The following ESPN variants were observed in gnomAD, a reference collection of about 807,000 sequenced individuals.
ESPN encodes the protein espin.
A neutral mutation model predicts 77.7 loss-of-function variants in ESPN; 68 were observed. The ratio of observed to expected loss-of-function variants is 0.87; its 90% CI spans 0.72 to 1.07. ESPN has a LOEUF of 1.07. Ranked by LOEUF, ESPN falls within the 50% of genes least tolerant of loss-of-function variation. The probability of loss-of-function intolerance (pLI) is 0.00; values close to 1 mark genes in which losing one functional copy is unlikely to be tolerated. For missense variants in ESPN, 1,060 were observed against 1,239.0 expected (o/e 0.86, Z 2.17); for synonymous variants, 449 against 567.1 (o/e 0.79, Z 2.96).
Position 6,460,367 on chromosome 1 carries a change from G to A in ESPN, c.*221G>A. ...GCCCAGAAAAAGTGCCCAAGCTGCT[G>A]ACGCAAACAACAACAAATGCTGCTT... On this transcript the variant is annotated 3_prime_UTR_variant, in exon 13 of 13. Coordinates refer to ENST00000645284, the MANE Select transcript of ESPN (RefSeq NM_031475.3). The A allele has an allele frequency of 1.7e-6, 1 of 586,276 alleles. No individual in the cohort carries two copies. The highest frequency in any genetic ancestry group is 3.0e-6 in the Non-Finnish European group (1 of 330,054). 36.3% of individuals were successfully genotyped at this position (586,276 alleles called of 1,614,324 possible).
rs914772799 is a variant in ESPN at position 6,447,881 on chromosome 1, G to A, written c.1465-760G>A. Among the ~76,000 whole-genome samples, 1 of 152,214 alleles carries A rather than the reference G, an allele frequency of 6.6e-6. No homozygotes were observed. The highest frequency in any genetic ancestry group is 2.4e-5 in the African/African-American group (1 of 41,458). ...GGCGGGGTCACATCTGGCCGGGGAC[G>A]GGTGCAGAGCCGCGGCCAGGTGTGG... On this transcript the variant is annotated intron_variant, in intron 7 of 12. Coordinates refer to ENST00000645284, the MANE Select transcript of ESPN (RefSeq NM_031475.3). This position sits in a 1 kb window ranked among gnomAD's most constrained non-coding sequence, Gnocchi z 5.2.
chr1:6,449,654 G>A (rs1403680402), intron 8 of ESPN, among the ~76,000 whole-genome samples: 1 of 152,208 alleles, frequency 6.6e-6, no homozygotes, highest in East Asian at 1.9e-4. Context: ...TCTGCCAGGG[G>A]CCCTGGGCCA....
At chr1:6,458,799 C>T (rs865878284) in intron 12 of ESPN, among the ~76,000 whole-genome samples, 8 of 150,404 alleles carry the variant, frequency 5.3e-5, no homozygotes, top group Admixed American at 2.6e-4. Context: ...GTCGTGATGG[C>T]GCATGCCTGT....
chr1:6,446,313 TCA>T (rs1452789742), intron 7 of ESPN, among the ~76,000 whole-genome samples: 8 of 152,110 alleles, frequency 5.3e-5, no homozygotes, highest in Admixed American at 5.2e-4. Flanking sequence ...AGCCCCAGGC[TCA>T]GTCGGAGAGT....
chr1:6,429,872 G>A (rs1279651203), intron 2 of ESPN: 3 of 153,322 alleles, frequency 2.0e-5, no homozygotes, highest in African/African-American at 7.2e-5. Flanking sequence ...CAGATGGCCT[G>A]GACTGATGAG....
rs1236222654 is a variant in ESPN at position 6,428,522 on chromosome 1, C to G, written c.488+103C>G. 1.0e-6 allele frequency: 1 copy of G among 998,770 alleles called. No homozygotes were observed. Among genetic ancestry groups the G allele is most frequent in the East Asian group, 2.6e-5 (1 of 38,566 alleles). The allele number at this position is 998,770 out of a possible 1,614,324, so 61.9% of individuals were successfully genotyped here. ...TCTCTGGCACTCCAGGGCAATGATC[C>G]CTCCAGTGGCCATCCTGGGGCCAGA... is the stretch of plus-strand genomic sequence containing the variant. On this transcript the variant is annotated intron_variant, in intron 2 of 12. Transcript: ENST00000645284. This position sits in a 1 kb window ranked among gnomAD's most constrained non-coding sequence, Gnocchi z 5.4.
At chr1:6,431,711 C>G (rs1643263128) in intron 2 of ESPN, among the ~76,000 whole-genome samples, 1 of 150,342 alleles carries the variant, frequency 6.7e-6, no homozygotes, top group Non-Finnish European at 1.5e-5. Flanking sequence ...AGAAAAAGAA[C>G]CTGGTGCTGA....
At chr1:6,448,489 C>A in intron 7 of ESPN, 152 bp from the exon 8 acceptor site, 1 of 612,572 alleles carries the variant, frequency 1.6e-6, no homozygotes, top group Non-Finnish European at 2.7e-6. Flanking sequence ...CCGCTGCCCA[C>A]TGTGAGAACC....
rs1050848487 is a variant in ESPN, at chr1:6,448,976, A to C, written c.1800A>C (p.Pro600=). 7.0e-7 allele frequency: 1 copy of C among 1,419,450 alleles called. No homozygotes were observed. The highest frequency in any genetic ancestry group is 1.4e-5 in the South Asian group (1 of 70,032). The allele number at this position is 1,419,450 out of a possible 1,614,324, so 87.9% of individuals were successfully genotyped here. ...KASRELPPPP[P]PPPPPLPEAA... ...CCAGGGAGCTGCCACCGCCGCCCCC[A>C]CCGCCGCCGCCGCCCCTGCCGGAGG... Residue 600 remains proline, a synonymous_variant, in exon 8 of 13, where the codon CCA becomes CCC. Coordinates refer to ENST00000645284, the MANE Select transcript of ESPN (RefSeq NM_031475.3).
In ESPN at chr1:6,451,972, T is replaced by C. The variant is rs769052221; in HGVS notation, c.2201T>C (p.Leu734Pro). The stretch of plus-strand genomic sequence containing the variant: ...ACTACTCCTGCGCCGGGAGTGCAGC[T>C]GGACGTGGAGGCTCTCATCCCCACG... Reference protein sequence around the residue: ...PPTTPAPGVQLDVEALIPTHD... With the variant: ...PPTTPAPGVQPDVEALIPTHD... The change falls in exon 10 of 13, where the codon CTG (leucine) becomes CCG (proline). Residue 734 changes from leucine (L) to proline (P), a missense_variant. Leu to Pro is a moderately conservative substitution (Grantham distance 98). Transcript: ENST00000645284. The surrounding 1 kb of genome is among the most constrained non-coding windows in gnomAD (Gnocchi z 4.3). 5.6e-6 allele frequency: 9 copies of C among 1,610,208 alleles called. No individual in the cohort carries two copies. The highest frequency in any genetic ancestry group is 5.1e-6 in the Non-Finnish European group (6 of 1,178,460).
In ESPN at chr1:6,441,159, G is replaced by A. The variant is rs551130381; in HGVS notation, c.990+94G>A. On this transcript the variant is annotated intron_variant, in intron 5 of 12. Coordinates refer to ENST00000645284, the MANE Select transcript of ESPN (RefSeq NM_031475.3). ...CACCCCTTTTACCAAGGAGGAAGCT[G>A]AGGTTCAGGGACGTGAAGCCCGCTA... 4 of 1,522,416 alleles carry A rather than the reference G, an allele frequency of 2.6e-6. No homozygotes were observed. In the African/African-American group the frequency reaches 5.5e-5, roughly 21 times the overall value. 94.3% of individuals were successfully genotyped at this position (1,522,416 alleles called of 1,614,324 possible). A position where few individuals can be genotyped will look rare whatever the true frequency, so the allele number is the denominator to read the frequency against.
intron 10 of ESPN, chr1:6,455,561 G>T (rs958334517): frequency 3.0e-5 from 12 of 398,628 alleles, no homozygotes; most frequent in African/African-American, 2.3e-4. Context: ...CGGGCCTGGC[G>T]CACGGCCTGT....
rs936376847 is a variant in ESPN at position 6,440,385 on chromosome 1, T to A, written c.620T>A (p.Met207Lys). ...CCGCACGCGCGCGCCCACGACGGCA[T>A]GACCCCGCTGCACGCCGCGGCGCAG... The part of the protein sequence containing the change: ...ADPHARAHDG[M>K]TPLHAAAQMG... Residue 207 changes from methionine (M) to lysine (K), a missense_variant, in exon 3 of 13, where the codon ATG becomes AAG. Met to Lys is a moderately conservative substitution (Grantham distance 95, BLOSUM62 -1). Coordinates refer to ENST00000645284, the MANE Select transcript of ESPN (RefSeq NM_031475.3). The A allele has an allele frequency of 1.3e-6, 2 of 1,588,524 alleles. No individual in the cohort carries two copies. Among genetic ancestry groups the A allele is most frequent in the South Asian group, 2.3e-5 (2 of 88,128 alleles).
downstream of ESPN, chr1:6,461,297 T>TGGGGCCGGCTGGTGCTGCTACGC: frequency 1.8e-6 from 2 of 1,120,944 alleles, no homozygotes; most frequent in Non-Finnish European, 1.3e-6. The surrounding 1 kb of genome is among the most constrained non-coding windows in gnomAD (Gnocchi z 6.3). Flanking sequence ...CGAGCAGGGG[T>TGGGGCCGGCTGGTGCTGCTACGC]GGGGCCGGCT....
chr1:6,428,279 C>T lies in ESPN; in HGVS notation c.348C>T (p.His116=), dbSNP rs758026081. The T allele has an allele frequency of 2.5e-6, 4 of 1,613,472 alleles. No individual in the cohort carries two copies. Among genetic ancestry groups the T allele is most frequent in the Admixed American group, 3.3e-5 (2 of 60,026 alleles). Reference sequence around the variant, plus strand: ...TGCATCTGGCTGCCCGCTTCGGCCACCCCGAGGTGGTGAACTGGCTCTTGC... The same window carrying T: ...TGCATCTGGCTGCCCGCTTCGGCCATCCCGAGGTGGTGAACTGGCTCTTGC... ...TVLHLAARFG[H]PEVVNWLLHH... is the part of the protein sequence containing the mutation. The change falls in exon 2 of 13, where the codon CAC becomes CAT. Residue 116 remains histidine, a synonymous_variant. Coordinates refer to ENST00000645284, the MANE Select transcript of ESPN (RefSeq NM_031475.3). This position sits in a 1 kb window ranked among gnomAD's most constrained non-coding sequence, Gnocchi z 5.4.
Position 6,437,912 on chromosome 1 carries a change from G to A in ESPN, c.489-2342G>A, listed in dbSNP as rs114752779. ...ACACGTGACAGGGGTCAGAAGAGGG[G>A]CTAAGTCGTGTTGGGAACAAGAGGG... On this transcript the variant is annotated intron_variant, in intron 2 of 12. Coordinates refer to ENST00000645284, the MANE Select transcript of ESPN (RefSeq NM_031475.3). This position sits in a 1 kb window ranked among gnomAD's most constrained non-coding sequence, Gnocchi z 4.5. Among the ~76,000 whole-genome samples, 1 of 149,762 alleles carries A rather than the reference G, an allele frequency of 6.7e-6. No homozygotes were observed.
intron 1 of ESPN, among the ~76,000 whole-genome samples, chr1:6,426,843 C>A (rs553441675): frequency 2.2e-4 from 33 of 152,246 alleles, no homozygotes; most frequent in Admixed American, 3.3e-4. Flanking sequence ...CTGGCCCCCC[C>A]ACTCCCAGCT....
Position 6,448,703 on chromosome 1 carries a change from C to T in ESPN, c.1527C>T (p.Ala509=), listed in dbSNP as rs146996868. Residue 509 remains alanine, a synonymous_variant, in exon 8 of 13, where the codon GCC becomes GCT. Coordinates refer to ENST00000645284, the MANE Select transcript of ESPN (RefSeq NM_031475.3). Reference sequence around the variant, plus strand: ...AGGACTCCAGCCGCAAGCCCCGCGCCTTCAGCAAGCAGCCCAGCACGGGGG... The same window carrying T: ...AGGACTCCAGCCGCAAGCCCCGCGCTTTCAGCAAGCAGCCCAGCACGGGGG... ...RRQDSSRKPR[A]FSKQPSTGDY... is the part of the protein sequence containing the mutation. 3 of 1,538,390 alleles carry T rather than the reference C, an allele frequency of 2.0e-6. No homozygotes were observed. Among genetic ancestry groups the T allele is most frequent in the East Asian group, 2.5e-5 (1 of 40,122 alleles).
In ESPN at chr1:6,451,425, G is replaced by A. The variant is rs1486304857; in HGVS notation, c.1916-178G>A. On this transcript the variant is annotated intron_variant, in intron 8 of 12. Transcript: ENST00000645284. The surrounding 1 kb of genome is among the most constrained non-coding windows in gnomAD (Gnocchi z 4.3). ...GCCACAGTCAGGGAACCAAGGGCCC[G>A]CCTCTGGGGGCCCTGAAACCTGCCT... 1.6e-5 allele frequency: 13 copies of A among 805,422 alleles called. No individual in the cohort carries two copies. The highest frequency in any genetic ancestry group is 8.1e-5 in the East Asian group (3 of 37,224). The allele number at this position is 805,422 out of a possible 1,614,324, so 49.9% of individuals were successfully genotyped here. A position where few individuals can be genotyped will look rare whatever the true frequency, so the allele number is the denominator to read the frequency against.
Sources: allele counts gnomAD v4.1 joint callset (sites outside exome capture counted in the v4.1 genomes callset), GRCh38; gene constraint gnomAD v4.1.1; non-coding constraint Gnocchi (gnomAD v3.1); transcripts MANE v1.5; gene names NCBI Gene and HGNC (gene_info 2026-07-23, HGNC 2026-07-21).